COBL: variants seen among roughly 807,000 people sequenced by gnomAD.
COBL encodes the protein cordon-bleu WH2 repeat protein.
In COBL, 51 loss-of-function variants were observed where a neutral mutation model predicts 98.8. The ratio of observed to expected loss-of-function variants is 0.52; its 90% confidence interval spans 0.41 to 0.65. The LOEUF (loss-of-function observed/expected upper bound fraction) is 0.65, where lower values mean the gene tolerates loss of function less well. Ranked by LOEUF, COBL falls within the 30% of genes least tolerant of loss-of-function variation. The pLI is 0.00. For synonymous variants in COBL, 634 were observed against 651.7 expected (o/e 0.97, Z 0.41); for missense variants, 1,617 against 1,617.5 (o/e 1.00, Z 0.01).
At chr7:51,087,655 G>A (rs1794408055) in intron 6 of COBL, among the ~76,000 whole-genome samples, 1 of 151,894 alleles carries the variant, frequency 6.6e-6, no homozygotes, top group African/African-American at 2.4e-5. Flanking sequence ...TGTATTTTCA[G>A]TGGAGATGGG....
At chr7:51,172,929 C>G (rs548822044) in intron 5 of COBL, among the ~76,000 whole-genome samples, 1 of 151,922 alleles carries the variant, frequency 6.6e-6, no homozygotes, top group African/African-American at 2.4e-5. Context: ...GCTGGGATTA[C>G]AAGTGTGTAT....
chr7:51,067,428 TG>T (rs1792049600), intron 7 of COBL, among the ~76,000 whole-genome samples: 1 of 152,264 alleles, frequency 6.6e-6, no homozygotes, highest in Admixed American at 6.5e-5. Context: ...ATACACAATG[TG>T]CACATGTATT....
chr7:51,017,676 T>G, intron 12 of COBL, 108 bp from the exon 13 acceptor site: 1 of 1,152,350 alleles, frequency 8.7e-7, no homozygotes. Flanking sequence ...ATAGTACTCC[T>G]GGAACCCCCT....
chr7:51,068,811 T>G (rs1317295378), intron 7 of COBL, among the ~76,000 whole-genome samples: 1 of 152,206 alleles, frequency 6.6e-6, no homozygotes, highest in Non-Finnish European at 1.5e-5. Flanking sequence ...ACACTTCACT[T>G]TGCAATATTA....
At chr7:51,192,842 T>C (rs1053626425) in intron 3 of COBL, among the ~76,000 whole-genome samples, 1 of 152,176 alleles carries the variant, frequency 6.6e-6, no homozygotes, top group Non-Finnish European at 1.5e-5. Context: ...GGAAGAATTC[T>C]AGAACTACAC....
intron 5 of COBL, among the ~76,000 whole-genome samples, chr7:51,181,880 G>A (rs1156638411): frequency 8.6e-5 from 13 of 152,008 alleles, no homozygotes; most frequent in Admixed American, 7.2e-4. Flanking sequence ...TGCAATCCAC[G>A]GACGGGACTG....
chr7:51,268,102 C>T (rs775421438), intron 1 of COBL, among the ~76,000 whole-genome samples: 16 of 150,208 alleles, frequency 1.1e-4, no homozygotes, highest in Non-Finnish European at 1.8e-4. Flanking sequence ...GCGCTGTGTC[C>T]GCTGCGGGTG....
chr7:51,256,620 C>T (rs1248544621), intron 1 of COBL, among the ~76,000 whole-genome samples: 1 of 152,214 alleles, frequency 6.6e-6, no homozygotes, highest in East Asian at 1.9e-4. Flanking sequence ...GTAGGGCCTC[C>T]AGAGCACTCC....
At chr7:51,297,906 C>T (rs1379867384) in intron 1 of COBL, among the ~76,000 whole-genome samples, 1 of 152,132 alleles carries the variant, frequency 6.6e-6, no homozygotes, top group Non-Finnish European at 1.5e-5. Context: ...CAATCAAGAC[C>T]ATATTGCCCT....
Position 51,162,149 on chromosome 7 carries a change from G to A in COBL, c.783+21953C>T, listed in dbSNP as rs142470803. Among the ~76,000 whole-genome samples, 109 of 152,234 alleles carry A rather than the reference G, an allele frequency of 7.2e-4. 1 individual carries two copies. Among genetic ancestry groups the A allele is most frequent in the Admixed American group, 4.6e-3 (71 of 15,300 alleles). Reference sequence around the variant, plus strand: ...TTGGAGTCCAGATGTGTGGGATGACGTTAACTGCAGTGTAATCTGTTCCAT... The same window carrying A: ...TTGGAGTCCAGATGTGTGGGATGACATTAACTGCAGTGTAATCTGTTCCAT... On this transcript the variant is annotated intron_variant, in intron 5 of 12. Coordinates refer to ENST00000265136, the MANE Select transcript of COBL (RefSeq NM_015198.5).
At chr7:51,132,526 C>T (rs1798840506) in intron 6 of COBL, among the ~76,000 whole-genome samples, 1 of 152,174 alleles carries the variant, frequency 6.6e-6, no homozygotes, top group Non-Finnish European at 1.5e-5. Context: ...CAATCTTAAT[C>T]CTGGCTCAAG....
chr7:51,116,446 ACCCAG>A (rs1367318545), intron 6 of COBL, among the ~76,000 whole-genome samples: 5 of 152,104 alleles, frequency 3.3e-5, no homozygotes, highest in Non-Finnish European at 7.4e-5. Context: ...AGGTCCATTT[ACCCAG>A]CCCTTCCATG....
intron 1 of COBL, among the ~76,000 whole-genome samples, chr7:51,303,990 T>C (rs952818389): frequency 1.3e-5 from 2 of 152,118 alleles, no homozygotes; most frequent in Admixed American, 6.5e-5. Flanking sequence ...AAGGGTATCA[T>C]GGAATAACGC....
At chr7:51,275,707 C>T (rs927049786) in intron 1 of COBL, among the ~76,000 whole-genome samples, 2 of 152,118 alleles carry the variant, frequency 1.3e-5, no homozygotes, top group African/African-American at 2.4e-5. Flanking sequence ...TTGTGAGCTC[C>T]GCACGCAGCC....
At chr7:51,306,874 CAGAAAT>C (rs1802522903) in intron 1 of COBL, among the ~76,000 whole-genome samples, 2 of 152,180 alleles carry the variant, frequency 1.3e-5, no homozygotes, top group Admixed American at 1.3e-4. Context: ...TCCAGGGCTT[CAGAAAT>C]AGAGCAGAGC....
chr7:51,233,951 A>C (rs1795000870), intron 1 of COBL, among the ~76,000 whole-genome samples: 1 of 152,256 alleles, frequency 6.6e-6, no homozygotes, highest in Admixed American at 6.5e-5. Context: ...TCTATTAATA[A>C]GTAGAAGTTT....
At chr7:51,134,956 C>CT (rs983727768) in intron 6 of COBL, among the ~76,000 whole-genome samples, 35 of 149,484 alleles carry the variant, frequency 2.3e-4, no homozygotes, top group South Asian at 1.5e-3. Flanking sequence ...GTATACATTC[C>CT]TTTTTTTTTT....
intron 1 of COBL, among the ~76,000 whole-genome samples, chr7:51,258,705 C>A (rs889063906): frequency 6.6e-6 from 1 of 152,046 alleles, no homozygotes; most frequent in African/African-American, 2.4e-5. Flanking sequence ...AGAGTAATAA[C>A]AAATAGCAAT....
chr7:51,219,766 C>T lies in COBL; in HGVS notation c.220G>A (p.Glu74Lys), dbSNP rs370328336. The T allele has an allele frequency of 9.3e-6, 15 of 1,613,978 alleles. No homozygotes were observed. The highest frequency in any genetic ancestry group is 6.7e-5 in the Admixed American group (4 of 59,994). ...CTCCCATTGAGCACGCTCCTCTTCTCCAGCCCACTAGGCAGGACCACGGTG... is the reference window on the plus strand; with the variant it reads ...CTCCCATTGAGCACGCTCCTCTTCTTCAGCCCACTAGGCAGGACCACGGTG... ...DVTVVLPSGL[E>K]KRSVLNGSHA... The change falls in exon 2 of 13, where the codon GAG becomes AAG. Residue 74 changes from glutamate (E) to lysine (K), a missense_variant. Physicochemically the swap from Glu to Lys is moderately conservative, Grantham distance 56. Around this residue, in one of 3 missense-constraint regions of COBL, gnomAD observed 238 missense variants for 215.0 expected, o/e 1.11. Coordinates refer to ENST00000265136, the MANE Select transcript of COBL (RefSeq NM_015198.5).
Sources: allele counts gnomAD v4.1 joint callset (sites outside exome capture counted in the v4.1 genomes callset), GRCh38; gene constraint gnomAD v4.1.1; regional missense constraint gnomAD v4.1.1; transcripts MANE v1.5; gene names NCBI Gene and HGNC (gene_info 2026-07-23, HGNC 2026-07-21).